The following TRAK1 variants were observed in gnomAD, a reference collection of about 807,000 sequenced individuals.
TRAK1 encodes trafficking kinesin-binding protein 1.
TRAK1 carries 33 observed loss-of-function variants against 92.1 expected under a neutral mutation model. The ratio of observed to expected loss-of-function variants is 0.36; its 90% CI spans 0.27 to 0.48. The LOEUF is 0.48. Among genes scored for constraint, TRAK1 ranks in the 20% least tolerant of loss-of-function variants. TRAK1 has a pLI of 0.99. For missense variants in TRAK1, 1,123 were observed against 1,257.9 expected, an observed-to-expected ratio of 0.89 and a Z score of 1.62; for synonymous variants, 521 against 517.3, an observed-to-expected ratio of 1.01 and a Z score of -0.10.
chr3:42,025,710 CT>C (rs1219530422), intron 1 of TRAK1, among the ~76,000 whole-genome samples: 1 of 152,132 alleles, frequency 6.6e-6, no homozygotes, highest in Non-Finnish European at 1.5e-5. Context: ...GACTGCTTCT[CT>C]TGCTGGCTGC....
chr3:42,209,571 G>C (rs1198906358), intron 13 of TRAK1, among the ~76,000 whole-genome samples, 196 bp from the exon 14 acceptor site: 3 of 152,134 alleles, frequency 2.0e-5, no homozygotes, highest in African/African-American at 4.8e-5. Context: ...AGCATGGTAG[G>C]GTTTGGCTTC....
chr3:42,072,049 C>T (rs947009376), intron 1 of TRAK1, among the ~76,000 whole-genome samples: 5 of 152,216 alleles, frequency 3.3e-5, no homozygotes, highest in Non-Finnish European at 7.3e-5. Flanking sequence ...TAATATCCTG[C>T]TGGGATGCCT....
chr3:42,018,906 G>A (rs1480015457), intron 1 of TRAK1, among the ~76,000 whole-genome samples: 2 of 152,128 alleles, frequency 1.3e-5, no homozygotes, highest in East Asian at 1.9e-4. Context: ...GGTGGATTGC[G>A]AGGTCATGAG....
At position 42,193,103 on chromosome 3, in the gene TRAK1, C is replaced by G. The variant is rs1003410696; in HGVS notation, c.798C>G (p.Ile266Met). Residue 266 changes from isoleucine (I) to methionine (M), a missense_variant, in exon 8 of 16, where the codon ATC (isoleucine) becomes ATG (methionine). Around this residue, in one of 3 missense-constraint regions of TRAK1, gnomAD observed 686 missense variants for 747.6 expected, o/e 0.92. Transcript: ENST00000327628. ...ATGCCAATGTCCAGATTGCTAGTAT[C>G]TCAGAGGAACTGGCCAAGAAGACGG... ...LRDANVQIAS[I>M]SEELAKKTED... 6 of 1,614,172 alleles carry G rather than the reference C, an allele frequency of 3.7e-6. No individual in the cohort carries two copies. The highest frequency in any genetic ancestry group is 5.1e-6 in the Non-Finnish European group (6 of 1,180,014).
rs1706332341 is a variant in TRAK1 at position 42,194,676 on chromosome 3, A to G, written c.976-128A>G. 1.6e-5 allele frequency: 18 copies of G among 1,093,812 alleles called. No homozygotes were observed. The South Asian group carries it at 3.2e-4, about 19-fold the overall frequency. The allele number at this position is 1,093,812 out of a possible 1,614,324, so 67.8% of individuals were successfully genotyped here. ...TTCTGTTATTTGGCCACAGGCGCAC[A>G]GGGCAGCTGGTTCCACACGTGCTGG... On this transcript the variant is annotated intron_variant, in intron 9 of 15. Coordinates refer to ENST00000327628, the MANE Select transcript of TRAK1 (RefSeq NM_001042646.3).
chr3:42,161,427 G>A (rs943288356), intron 2 of TRAK1, among the ~76,000 whole-genome samples: 5 of 151,132 alleles, frequency 3.3e-5, no homozygotes, highest in Non-Finnish European at 5.9e-5. Context: ...CCCAGGCTGC[G>A]GTGCAGCAGT....
intron 1 of TRAK1, among the ~76,000 whole-genome samples, chr3:42,103,387 C>G (rs995804757): frequency 2.7e-4 from 41 of 152,052 alleles, no homozygotes; most frequent in Non-Finnish European, 5.6e-4. Context: ...GTTGGCCAGG[C>G]TGGTCTCAAA....
rs763740116 is a variant in TRAK1 at position 42,194,851 on chromosome 3, T to G, written c.1023T>G (p.His341Gln). 3 of 1,613,856 alleles carry G rather than the reference T, an allele frequency of 1.9e-6. No homozygotes were observed. Among genetic ancestry groups the G allele is most frequent in the Non-Finnish European group, 2.5e-6 (3 of 1,179,978 alleles). The part of the protein sequence containing the change: ...DKYAECMEML[H>Q]EAQEELKNLR... ...ACGCAGAGTGCATGGAGATGCTGCATGAGGCGCAGGAGGAGCTGAAGAACC... is the reference window on the plus strand; with the variant it reads ...ACGCAGAGTGCATGGAGATGCTGCAGGAGGCGCAGGAGGAGCTGAAGAACC... Residue 341 changes from histidine to glutamine, a missense_variant, in exon 10 of 16, where the codon CAT (histidine) becomes CAG (glutamine). His to Gln is a conservative substitution (Grantham distance 24). Around this residue, in one of 3 missense-constraint regions of TRAK1, gnomAD observed 686 missense variants for 747.6 expected, o/e 0.92. Coordinates refer to ENST00000327628, the MANE Select transcript of TRAK1 (RefSeq NM_001042646.3).
chr3:42,196,660 C>G (rs1197237357), intron 10 of TRAK1, among the ~76,000 whole-genome samples: 1 of 151,570 alleles, frequency 6.6e-6, no homozygotes, highest in Non-Finnish European at 1.5e-5. Flanking sequence ...GCCTCAACCT[C>G]CCAAGTAGCT....
intron 14 of TRAK1, chr3:42,218,570 C>T (rs901054844): frequency 1.0e-6 from 1 of 984,764 alleles, no homozygotes; most frequent in African/African-American, 1.8e-5. Context: ...TGAGGATGAC[C>T]TCTGCAATCA....
chr3:42,179,121 T>G (rs374408757), intron 3 of TRAK1, among the ~76,000 whole-genome samples: 2 of 152,236 alleles, frequency 1.3e-5, no homozygotes, highest in East Asian at 3.8e-4. Flanking sequence ...CCCAGCCTGT[T>G]TTATTTTTAA....
chr3:42,091,918 G>C (rs1041161456), intron 1 of TRAK1, among the ~76,000 whole-genome samples: 2 of 152,022 alleles, frequency 1.3e-5, no homozygotes, highest in Non-Finnish European at 2.9e-5. Context: ...GGGTGGACAG[G>C]GTTTCTAAGG....
chr3:42,077,645 C>T (rs930127114), intron 1 of TRAK1, among the ~76,000 whole-genome samples: 10 of 152,154 alleles, frequency 6.6e-5, no homozygotes, highest in Non-Finnish European at 1.5e-4. Context: ...TCATAATTCT[C>T]ATTGTAGAGA....
chr3:42,155,935 C>A (rs1413769609), intron 2 of TRAK1, among the ~76,000 whole-genome samples: 1 of 152,144 alleles, frequency 6.6e-6, no homozygotes, highest in Admixed American at 6.5e-5. Flanking sequence ...GATGTGCCTC[C>A]GCCCTGCAAG....
intron 1 of TRAK1, among the ~76,000 whole-genome samples, chr3:42,020,050 T>G (rs1176697090): frequency 1.3e-5 from 2 of 152,124 alleles, no homozygotes; most frequent in Non-Finnish European, 2.9e-5. Flanking sequence ...GGACTGACGG[T>G]CCAGATTCAT....
intron 1 of TRAK1, among the ~76,000 whole-genome samples, chr3:42,062,280 C>T (rs1314934210): frequency 2.0e-5 from 3 of 152,226 alleles, no homozygotes; most frequent in South Asian, 2.1e-4. Context: ...GCCGTATTAG[C>T]GGAGGTGCAA....
At chr3:42,078,023 G>C (rs1245298786) in intron 1 of TRAK1, among the ~76,000 whole-genome samples, 1 of 152,198 alleles carries the variant, frequency 6.6e-6, no homozygotes, top group Non-Finnish European at 1.5e-5. Context: ...TTTTGTAGAC[G>C]AAAGAAATTT....
At chr3:42,123,384 T>C (rs1220679486) in intron 1 of TRAK1, among the ~76,000 whole-genome samples, 1 of 152,226 alleles carries the variant, frequency 6.6e-6, no homozygotes, top group African/African-American at 2.4e-5. Context: ...GGACTGGTTC[T>C]CCCTGCTGTT....
intron 1 of TRAK1, among the ~76,000 whole-genome samples, chr3:42,099,662 A>C (rs1442625594): frequency 6.6e-6 from 1 of 152,194 alleles, no homozygotes; most frequent in Admixed American, 6.5e-5. Flanking sequence ...AATTCTGTTC[A>C]CTTTCCCAAA....
Sources: gnomAD v4.1 joint callset for allele counts (sites outside exome capture counted in the v4.1 genomes callset) on GRCh38, gnomAD v4.1.1 for gene constraint, gnomAD v4.1.1 regional missense constraint, MANE v1.5 for transcripts, NCBI Gene and HGNC (gene_info 2026-07-23, HGNC 2026-07-21) for gene names.